The following MCTP1 variants were observed in gnomAD, a reference collection of about 807,000 sequenced individuals.
The protein encoded by MCTP1 is multiple C2 and transmembrane domain containing 1.
A neutral mutation model predicts 120.6 loss-of-function variants in MCTP1; 69 were observed. That is an observed-to-expected ratio of 0.57 (90% confidence interval 0.47 to 0.70). MCTP1 has a LOEUF of 0.70. Ranked by LOEUF, MCTP1 falls within the 30% of genes least tolerant of loss-of-function variation. The probability of loss-of-function intolerance (pLI) is 0.00; values close to 1 mark genes in which losing one functional copy is unlikely to be tolerated. For missense variants in MCTP1, 1,203 were observed against 1,248.8 expected (o/e 0.96, Z 0.55); for synonymous variants, 529 against 493.1 (o/e 1.07, Z -0.96).
chr5:95,252,630 A>G (rs1403140309), intron 1 of MCTP1, among the ~76,000 whole-genome samples: 2 of 152,110 alleles, frequency 1.3e-5, no homozygotes, highest in African/African-American at 4.8e-5. Flanking sequence ...CTGAGATCTG[A>G]ACCTACACAG....
intron 1 of MCTP1, among the ~76,000 whole-genome samples, chr5:95,261,818 C>A (rs889272163): frequency 2.0e-5 from 3 of 152,174 alleles, no homozygotes; most frequent in Admixed American, 6.5e-5. Context: ...ATTGGGCTGC[C>A]CTGGGAGATA....
chr5:95,171,336 C>T (rs918484069), intron 1 of MCTP1, among the ~76,000 whole-genome samples: 4 of 152,086 alleles, frequency 2.6e-5, no homozygotes, highest in South Asian at 4.2e-4. Context: ...CTCGGGCTGC[C>T]CTTAACATTT....
intron 1 of MCTP1, among the ~76,000 whole-genome samples, chr5:95,168,181 G>C (rs1746692225): frequency 6.6e-6 from 1 of 152,142 alleles, no homozygotes; most frequent in Non-Finnish European, 1.5e-5. Flanking sequence ...GTTTTTGTCA[G>C]GTTTGTCAAA....
intron 17 of MCTP1, among the ~76,000 whole-genome samples, chr5:94,804,309 T>C (rs1008601580): frequency 1.5e-4 from 23 of 152,196 alleles, no homozygotes; most frequent in Non-Finnish European, 4.4e-5. Context: ...CTCTTTTCCT[T>C]TAGTCTCTTA....
intron 12 of MCTP1, 28 bp downstream of exon 12, chr5:94,888,851 G>C: frequency 7.0e-7 from 1 of 1,423,168 alleles, no homozygotes; most frequent in Non-Finnish European, 9.9e-7. Flanking sequence ...CTTGATCTGA[G>C]CAATAGGAGA....
chr5:95,194,394 C>G (rs13156767), intron 1 of MCTP1, among the ~76,000 whole-genome samples: 2,137 of 152,180 alleles, frequency 0.014, 26 homozygotes, highest in Middle Eastern at 0.058. Flanking sequence ...AAATTACCTG[C>G]CATGGTGAAC....
At chr5:95,173,706 G>A (rs1268476619) in intron 1 of MCTP1, among the ~76,000 whole-genome samples, 3 of 152,012 alleles carry the variant, frequency 2.0e-5, no homozygotes, top group African/African-American at 7.3e-5. Flanking sequence ...TAACTCTTAA[G>A]TATGAGCACA....
chr5:95,111,157 C>G (rs1757420467), intron 1 of MCTP1, among the ~76,000 whole-genome samples: 1 of 152,118 alleles, frequency 6.6e-6, no homozygotes, highest in Non-Finnish European at 1.5e-5. Flanking sequence ...TTCAATAATG[C>G]AAAAGTTATA....
At chr5:94,897,672 TC>T (rs1372748276) in intron 10 of MCTP1, among the ~76,000 whole-genome samples, 1 of 152,136 alleles carries the variant, frequency 6.6e-6, no homozygotes, top group Non-Finnish European at 1.5e-5. Context: ...GCCGACTTTT[TC>T]CCCCAAACTT....
intron 1 of MCTP1, 83 bp downstream of exon 1, chr5:95,283,773 C>A (rs1760510419): frequency 2.6e-6 from 3 of 1,152,580 alleles, no homozygotes; most frequent in African/African-American, 1.6e-5. Context: ...CGGCCCCCGC[C>A]CCCCGCTCCC....
chr5:94,968,754 A>G (rs1258645558), intron 2 of MCTP1, among the ~76,000 whole-genome samples: 1 of 152,226 alleles, frequency 6.6e-6, no homozygotes, highest in Non-Finnish European at 1.5e-5. Context: ...CAAAGGTTAG[A>G]GCGCCTTGCA....
intron 19 of MCTP1, among the ~76,000 whole-genome samples, chr5:94,770,423 T>C (rs1773792240): frequency 6.6e-6 from 1 of 152,256 alleles, no homozygotes; most frequent in African/African-American, 2.4e-5. Context: ...TGATTGACTC[T>C]TAAATGAAAG....
In MCTP1 at chr5:95,245,821, T is replaced by C. The variant is rs900348010; in HGVS notation, c.720+38035A>G. On this transcript the variant is annotated intron_variant, in intron 1 of 22. Transcript: ENST00000515393. ...CAGGCCAACATTCAAATTCAGGAAA[T>C]ACAGAAAACACCACAAAGATACTCC... 2.6e-5 allele frequency among the ~76,000 whole-genome samples: 4 copies of C among 151,944 alleles called. No homozygotes were observed. The South Asian group carries it at 6.2e-4, about 24-fold the overall frequency.
Position 95,259,850 on chromosome 5 carries a change from C to G in MCTP1, c.720+24006G>C, listed in dbSNP as rs137888024. Among the ~76,000 whole-genome samples the G allele has an allele frequency of 7.2e-3, 1,103 of 152,328 alleles. 7 individuals carry two copies. Among genetic ancestry groups the G allele is most frequent in the Non-Finnish European group, 0.011 (720 of 68,036 alleles). On this transcript the variant is annotated intron_variant, in intron 1 of 22. Coordinates refer to ENST00000515393, the MANE Select transcript of MCTP1 (RefSeq NM_024717.7). The stretch of plus-strand genomic sequence containing the variant: ...ATTAAGCTTACATGTAGAAGAAGCT[C>G]TTAATGATAGTAGCATTGGACTTAT...
At chr5:94,935,360 A>G (rs937894841) in intron 5 of MCTP1, among the ~76,000 whole-genome samples, 3 of 152,034 alleles carry the variant, frequency 2.0e-5, no homozygotes, top group Non-Finnish European at 2.9e-5. Flanking sequence ...TCCCAACTGC[A>G]TAATTCATGG....
chr5:94,803,678 A>G (rs1371078510), intron 17 of MCTP1, among the ~76,000 whole-genome samples: 3 of 152,178 alleles, frequency 2.0e-5, no homozygotes, highest in Non-Finnish European at 4.4e-5. Context: ...CTTTTTGTAT[A>G]CTACCTTAGA....
chr5:95,269,461 A>G (rs1759183569), intron 1 of MCTP1, among the ~76,000 whole-genome samples: 1 of 152,224 alleles, frequency 6.6e-6, no homozygotes, highest in Non-Finnish European at 1.5e-5. Flanking sequence ...GAAAATATTC[A>G]CTTATGAGGT....
intron 19 of MCTP1, among the ~76,000 whole-genome samples, chr5:94,737,610 C>T (rs1478692727): frequency 6.6e-6 from 1 of 152,098 alleles, no homozygotes; most frequent in Non-Finnish European, 1.5e-5. Flanking sequence ...AGTTCCATTT[C>T]CTCTATCAAT....
intron 1 of MCTP1, among the ~76,000 whole-genome samples, chr5:95,049,557 A>G (rs1393364474): frequency 1.3e-5 from 2 of 152,198 alleles, no homozygotes; most frequent in African/African-American, 4.8e-5. Flanking sequence ...ATGCAAAATA[A>G]TCATAATGAA....
Sources: allele counts gnomAD v4.1 joint callset (sites outside exome capture counted in the v4.1 genomes callset), GRCh38; gene constraint gnomAD v4.1.1; transcripts MANE v1.5; gene names NCBI Gene and HGNC (gene_info 2026-07-23, HGNC 2026-07-21).